The following RHOBTB2 variants were observed in gnomAD, a reference collection of about 807,000 sequenced individuals.
RHOBTB2 encodes rho-related BTB domain-containing protein 2.
A neutral mutation model predicts 66.5 loss-of-function variants in RHOBTB2; 39 were observed. That is an observed-to-expected ratio of 0.59 (90% CI 0.45 to 0.77). RHOBTB2 has a LOEUF of 0.77. RHOBTB2 is among the 30% of genes least tolerant of loss of function. RHOBTB2 has a pLI of 0.00. For missense variants in RHOBTB2, 755 were observed against 999.1 expected, an observed-to-expected ratio of 0.76 and a Z score of 3.29; for synonymous variants, 390 against 395.0, an observed-to-expected ratio of 0.99 and a Z score of 0.15.
upstream of RHOBTB2, among the ~76,000 whole-genome samples, chr8:22,985,734 G>A (rs1484342140): frequency 6.6e-6 from 1 of 152,230 alleles, no homozygotes; most frequent in Non-Finnish European, 1.5e-5. Context: ...TGAGAAGGCA[G>A]AGGATTGACC....
the RHOBTB2 span, among the ~76,000 whole-genome samples, chr8:22,981,191 A>G: frequency 6.6e-6 from 1 of 152,198 alleles, no homozygotes; most frequent in African/African-American, 2.4e-5. Flanking sequence ...TCCTGTTGTA[A>G]AGCAAGTTGT....
Position 23,004,524 on chromosome 8 carries a change from C to T in RHOBTB2, c.90C>T (p.Leu30=), listed in dbSNP as rs61759910. Residue 30 remains leucine (L), a synonymous_variant, in exon 2 of 10, where the codon CTC becomes CTT. Transcript: ENST00000251822. This position sits in a 1 kb window ranked among gnomAD's most constrained non-coding sequence, Gnocchi z 6.4. ...VGDNAVGKTR[L]ICARACNATL... ...ACAACGCCGTGGGTAAGACCAGGCT[C>T]ATCTGTGCCCGCGCTTGCAATGCCA... 3.7e-6 allele frequency: 6 copies of T among 1,614,118 alleles called. No individual in the cohort carries two copies. The highest frequency in any genetic ancestry group is 1.7e-5 in the Admixed American group (1 of 60,012).
At chr8:22,969,565 A>T in the RHOBTB2 span, among the ~76,000 whole-genome samples, 3 of 152,342 alleles carry the variant, frequency 2.0e-5, no homozygotes, top group East Asian at 5.8e-4. Context: ...ATGCAAAACG[A>T]AGCCAGGTAC....
intron 6 of RHOBTB2, among the ~76,000 whole-genome samples, chr8:23,008,382 C>T (rs1811037666): frequency 6.6e-6 from 1 of 152,166 alleles, no homozygotes; most frequent in African/African-American, 2.4e-5. Context: ...ACATGTGCCA[C>T]TCCTGCCGTA....
At chr8:22,981,414 T>C in the RHOBTB2 span, among the ~76,000 whole-genome samples, 1 of 152,232 alleles carries the variant, frequency 6.6e-6, no homozygotes, top group Non-Finnish European at 1.5e-5. Context: ...TAGGACCCCC[T>C]CACCCTGGCT....
the RHOBTB2 span, among the ~76,000 whole-genome samples, chr8:22,954,593 A>C: frequency 1.3e-5 from 2 of 152,236 alleles, no homozygotes; most frequent in South Asian, 4.1e-4. Flanking sequence ...GTGTTGAGAC[A>C]ATTGGATTCA....
At chr8:22,980,319 C>A in the RHOBTB2 span, among the ~76,000 whole-genome samples, 4 of 152,098 alleles carry the variant, frequency 2.6e-5, no homozygotes, top group African/African-American at 9.7e-5. Flanking sequence ...TCTTTAAAAT[C>A]CTCACCAATT....
At chr8:22,971,285 A>G in the RHOBTB2 span, among the ~76,000 whole-genome samples, 29,302 of 151,824 alleles carry the variant, frequency 0.19, 4,752 homozygotes, top group African/African-American at 0.45. Flanking sequence ...CCTGGGCTCA[A>G]GCGATTCTCC....
upstream of RHOBTB2, among the ~76,000 whole-genome samples, chr8:22,986,470 G>T (rs998042479): frequency 1.3e-5 from 2 of 151,616 alleles, no homozygotes; most frequent in Non-Finnish European, 2.9e-5. Context: ...TGTTGCCCAG[G>T]CTGGTCTTGA....
At chr8:22,958,794 C>A in the RHOBTB2 span, among the ~76,000 whole-genome samples, 1 of 110,904 alleles carries the variant, frequency 9.0e-6, no homozygotes, top group African/African-American at 3.7e-5. Context: ...AAGAGTGAGC[C>A]CCTCTCTGAA....
chr8:22,999,162 C>A (rs971561923), upstream of RHOBTB2: 88 of 152,222 alleles, frequency 5.8e-4, no homozygotes, highest in Admixed American at 2.0e-3. Context: ...CCCCCCGCCC[C>A]CCCGACTGCC....
intron 1 of RHOBTB2, chr8:22,987,650 C>G (rs922417731): frequency 6.6e-6 from 1 of 152,418 alleles, no homozygotes; most frequent in Non-Finnish European, 1.5e-5. Flanking sequence ...CTATCTTCAC[C>G]TGGTCACTCA....
intron 9 of RHOBTB2, among the ~76,000 whole-genome samples, chr8:23,016,335 C>T (rs111677797): frequency 0.022 from 3,287 of 152,294 alleles, 52 homozygotes; most frequent in Non-Finnish European, 0.036. Context: ...TCCCTGCTGC[C>T]GTGTTTTTGC....
In RHOBTB2 at chr8:22,993,633, T is replaced by G. The variant is rs545364347; in HGVS notation, c.-23-928T>G. Among the ~76,000 whole-genome samples, 51 of 152,342 alleles carry G rather than the reference T, an allele frequency of 3.3e-4. 1 individual carries two copies. In the South Asian group the frequency reaches 9.9e-3, roughly 30 times the overall value. On this transcript the variant is annotated intron_variant, in intron 2 of 11. Coordinates refer to the RHOBTB2 transcript ENST00000519685. ...CAAAGTCACACAGCCACTTCCAAGG[T>G]TGGCACCGAGTTCATTGGTTGCTCC... is the stretch of plus-strand genomic sequence containing the variant.
intron 1 of RHOBTB2, among the ~76,000 whole-genome samples, chr8:23,003,806 ACT>A (rs1176688491): frequency 6.6e-6 from 1 of 151,846 alleles, no homozygotes; most frequent in African/African-American, 2.4e-5. Context: ...GGGAGGAAAA[ACT>A]CTTGCATCTC....
At chr8:22,983,215 A>G (rs1341149341), upstream of RHOBTB2, among the ~76,000 whole-genome samples, 3 of 152,112 alleles carry the variant, frequency 2.0e-5, no homozygotes, top group African/African-American at 4.8e-5. Flanking sequence ...TCTGGGAACT[A>G]CGGTGGATTA....
the RHOBTB2 span, among the ~76,000 whole-genome samples, chr8:22,979,184 A>C: frequency 6.6e-6 from 1 of 152,222 alleles, no homozygotes; most frequent in Non-Finnish European, 1.5e-5. Context: ...CAAGGGAAAT[A>C]AAAGATCTTT....
chr8:22,968,251 A>G, the RHOBTB2 span, among the ~76,000 whole-genome samples: 4 of 149,634 alleles, frequency 2.7e-5, no homozygotes, highest in African/African-American at 4.9e-5. Flanking sequence ...TAAAAATCTT[A>G]GTTAAGCTAA....
the RHOBTB2 span, among the ~76,000 whole-genome samples, chr8:22,963,704 A>G: frequency 1.3e-5 from 2 of 152,164 alleles, no homozygotes; most frequent in African/African-American, 4.8e-5. Context: ...CCAAAGTCAC[A>G]TCTTACATGG....
Sources: allele counts gnomAD v4.1 joint callset (sites outside exome capture counted in the v4.1 genomes callset), GRCh38; gene constraint gnomAD v4.1.1; non-coding constraint Gnocchi (gnomAD v3.1); transcripts MANE v1.5; gene names NCBI Gene and HGNC (gene_info 2026-07-23, HGNC 2026-07-21).